Variants in NALF1 observed in about 807,000 individuals in gnomAD.
NALF1 encodes the protein family with sequence similarity 155 member A.
In NALF1, 3 loss-of-function variants were observed where a neutral mutation model predicts 48.4. That is an observed-to-expected ratio of 0.06 (90% CI 0.03 to 0.16). The LOEUF (loss-of-function observed/expected upper bound fraction) is 0.16. Ranked by LOEUF, NALF1 falls within the 10% of genes least tolerant of loss-of-function variation. The probability of loss-of-function intolerance (pLI) is 1.00; values close to 1 mark genes in which losing one functional copy is unlikely to be tolerated. For synonymous variants in NALF1, 262 were observed against 245.7 expected, an observed-to-expected ratio of 1.07 and a Z score of -0.62; for missense variants, 526 against 571.5, an observed-to-expected ratio of 0.92 and a Z score of 0.81.
intron 1 of NALF1, among the ~76,000 whole-genome samples, chr13:107,428,688 CAA>C (rs1288502154): frequency 1.3e-5 from 2 of 152,008 alleles, no homozygotes; most frequent in Admixed American, 6.6e-5. Context: ...AAAACAAAAC[CAA>C]AAAACACCTT....
At chr13:107,188,457 C>T (rs899785383) in intron 2 of NALF1, among the ~76,000 whole-genome samples, 2 of 97,014 alleles carry the variant, frequency 2.1e-5, no homozygotes, top group Non-Finnish European at 4.0e-5. Context: ...TAGTGACCAT[C>T]TGCAGAAAGA....
At chr13:107,177,982 G>T (rs978279329) in intron 2 of NALF1, among the ~76,000 whole-genome samples, 2 of 152,204 alleles carry the variant, frequency 1.3e-5, no homozygotes, top group South Asian at 4.1e-4. Context: ...AGGAGGCAGA[G>T]GTTGCAGTGA....
At chr13:107,264,835 T>C (rs1881008496) in intron 1 of NALF1, among the ~76,000 whole-genome samples, 1 of 152,220 alleles carries the variant, frequency 6.6e-6, no homozygotes, top group African/African-American at 2.4e-5. Context: ...GACTTTGACA[T>C]TGTTCATTTT....
rs143950428 is a variant in NALF1, at chr13:107,615,884, G to GT, written c.915+249797dup. Among the ~76,000 whole-genome samples the GT allele has an allele frequency of 2.9e-3, 449 of 152,280 alleles. 3 individuals are homozygous for GT. Among genetic ancestry groups the GT allele is most frequent in the African/African-American group, 0.01 (432 of 41,560 alleles). ...TAAAGCAAGTCTCCATGGCATGAGTGTAAGTCTTAACTTTGCTAGTTAAAA... is the reference window on the plus strand; with the variant it reads ...TAAAGCAAGTCTCCATGGCATGAGTGTTAAGTCTTAACTTTGCTAGTTAAAA... On this transcript the variant is annotated intron_variant, in intron 1 of 2. Transcript: ENST00000375915.
intron 1 of NALF1, among the ~76,000 whole-genome samples, chr13:107,512,480 G>A (rs556777887): frequency 6.6e-6 from 1 of 152,314 alleles, no homozygotes; most frequent in African/African-American, 2.4e-5. Flanking sequence ...GTGAGCCCCA[G>A]CTTGGGACTC....
chr13:107,765,312 A>AT (rs1245851765), intron 1 of NALF1, among the ~76,000 whole-genome samples: 1 of 152,188 alleles, frequency 6.6e-6, no homozygotes, highest in Non-Finnish European at 1.5e-5. Flanking sequence ...GCTGGGTCTC[A>AT]TCAGAATCTG....
At chr13:107,191,224 G>A (rs745553171) in intron 2 of NALF1, among the ~76,000 whole-genome samples, 1 of 151,172 alleles carries the variant, frequency 6.6e-6, no homozygotes, top group South Asian at 2.1e-4. Flanking sequence ...ATAAGGTTTC[G>A]ACATAATGGA....
intron 1 of NALF1, among the ~76,000 whole-genome samples, chr13:107,802,940 G>A (rs1347021267): frequency 1.3e-5 from 2 of 152,108 alleles, no homozygotes; most frequent in African/African-American, 2.4e-5. Context: ...ATGGTTATTC[G>A]ATGACCAGTA....
chr13:107,729,426 AT>A (rs757096294), intron 1 of NALF1, among the ~76,000 whole-genome samples: 5 of 152,074 alleles, frequency 3.3e-5, no homozygotes, highest in Non-Finnish European at 7.4e-5. Context: ...TGAAAAAAAA[AT>A]AATAAATATG....
chr13:107,173,919 TTCA>T (rs1878857087), intron 2 of NALF1, among the ~76,000 whole-genome samples: 1 of 152,210 alleles, frequency 6.6e-6, no homozygotes, highest in Non-Finnish European at 1.5e-5. Context: ...TTCATATTAC[TTCA>T]TCCCTTAACT....
intron 1 of NALF1, among the ~76,000 whole-genome samples, chr13:107,805,641 G>A (rs142611152): frequency 5.3e-5 from 8 of 152,238 alleles, no homozygotes; most frequent in African/African-American, 1.9e-4. Context: ...ACTTACATGA[G>A]TAAATAAATA....
intron 1 of NALF1, among the ~76,000 whole-genome samples, chr13:107,692,647 T>C (rs1482684523): frequency 6.6e-6 from 1 of 152,186 alleles, no homozygotes; most frequent in Non-Finnish European, 1.5e-5. Flanking sequence ...CAAATAAAAA[T>C]GTGAATCTGA....
intron 1 of NALF1, among the ~76,000 whole-genome samples, chr13:107,374,396 A>T (rs1883300735): frequency 6.6e-6 from 1 of 152,206 alleles, no homozygotes; most frequent in South Asian, 2.1e-4. Context: ...TTCCCATCCA[A>T]TAGGAGATCA....
intron 1 of NALF1, among the ~76,000 whole-genome samples, chr13:107,658,951 T>C (rs1309436384): frequency 6.6e-6 from 1 of 152,082 alleles, no homozygotes; most frequent in African/African-American, 2.4e-5. Context: ...CTTCTCCAGA[T>C]CATTATTCCA....
chr13:107,667,113 AT>A (rs1160916874), intron 1 of NALF1, among the ~76,000 whole-genome samples: 4 of 152,072 alleles, frequency 2.6e-5, no homozygotes, highest in Non-Finnish European at 5.9e-5. Context: ...CTTGATCCCA[AT>A]TCTCCTTCCA....
chr13:107,228,065 G>A (rs1880141670), intron 1 of NALF1, among the ~76,000 whole-genome samples: 1 of 152,282 alleles, frequency 6.6e-6, no homozygotes, highest in East Asian at 1.9e-4. Context: ...ATTGCAAGGA[G>A]TGGTGCCATT....
rs1880713354 is a variant in NALF1 at position 107,866,213 on chromosome 13, G to A, written c.384C>T (p.Ser128=). The stretch of plus-strand genomic sequence containing the variant: ...CTCCCGGGGAGGGGGGCAGGGTGGG[G>A]GACGAGGAGGCGGAGAGGAGTCTGT... ...QAHRLLSASS[S]PTLPPSPGDG... Residue 128 remains serine (S), a synonymous_variant, in exon 1 of 3, where the codon TCC becomes TCT. Coordinates refer to ENST00000375915, the MANE Select transcript of NALF1 (RefSeq NM_001080396.3). The surrounding 1 kb of genome is among the most constrained non-coding windows in gnomAD (Gnocchi z 4.4). 5 of 1,597,942 alleles carry A rather than the reference G, an allele frequency of 3.1e-6. No homozygotes were observed. The highest frequency in any genetic ancestry group is 1.7e-5 in the Admixed American group (1 of 58,896).
At chr13:107,825,929 C>T (rs1173577467) in intron 1 of NALF1, among the ~76,000 whole-genome samples, 2 of 151,998 alleles carry the variant, frequency 1.3e-5, no homozygotes, top group East Asian at 3.9e-4. Flanking sequence ...TACAGGCTCC[C>T]GCCACTGCGC....
At chr13:107,791,095 T>C (rs1878218465) in intron 1 of NALF1, among the ~76,000 whole-genome samples, 1 of 152,184 alleles carries the variant, frequency 6.6e-6, no homozygotes, top group South Asian at 2.1e-4. Flanking sequence ...CCTTTTCCTA[T>C]TTATTTTGCT....
Sources: allele counts gnomAD v4.1 joint callset (sites outside exome capture counted in the v4.1 genomes callset), GRCh38; gene constraint gnomAD v4.1.1; non-coding constraint Gnocchi (gnomAD v3.1); transcripts MANE v1.5; gene names NCBI Gene and HGNC (gene_info 2026-07-23, HGNC 2026-07-21).